Variants in TMCC1 observed in about 807,000 individuals in gnomAD.
The protein encoded by TMCC1 is transmembrane and coiled-coil domains protein 1.
Under a neutral mutation model 52.4 loss-of-function variants are expected in TMCC1, and 15 were observed. That is an observed-to-expected ratio of 0.29 (90% CI 0.19 to 0.44). The LOEUF (loss-of-function observed/expected upper bound fraction) is 0.44, where lower values mean the gene tolerates loss of function less well. TMCC1 is among the 20% of genes least tolerant of loss of function. The pLI is 1.00. For missense variants in TMCC1, 503 were observed against 806.0 expected (o/e 0.62, Z 4.55); for synonymous variants, 279 against 301.9 (o/e 0.92, Z 0.79).
At chr3:129,690,049 G>T (rs986281658) in intron 4 of TMCC1, among the ~76,000 whole-genome samples, 2 of 152,070 alleles carry the variant, frequency 1.3e-5, no homozygotes, top group East Asian at 3.8e-4. Flanking sequence ...CCACAAATGA[G>T]CAGAAAAGAA....
At chr3:129,773,064 C>T (rs1252319930) in intron 4 of TMCC1, among the ~76,000 whole-genome samples, 2 of 152,150 alleles carry the variant, frequency 1.3e-5, no homozygotes, top group Non-Finnish European at 1.5e-5. Context: ...ATAAACAAGC[C>T]TATTCACTGT....
chr3:129,770,466 T>A (rs1200475180), intron 4 of TMCC1, among the ~76,000 whole-genome samples: 3 of 152,058 alleles, frequency 2.0e-5, no homozygotes, highest in African/African-American at 7.2e-5. Flanking sequence ...CAGTCCCAGT[T>A]ACTCAGGAGT....
chr3:129,808,253 C>T (rs1426752961), intron 4 of TMCC1, among the ~76,000 whole-genome samples: 1 of 152,032 alleles, frequency 6.6e-6, no homozygotes, highest in East Asian at 1.9e-4. Context: ...GAGGCCAATG[C>T]AGGCAGATCA....
In TMCC1 at chr3:129,651,484, T is replaced by C. The variant is rs2086316832; in HGVS notation, c.1959A>G (p.Arg653=). The change falls in exon 7 of 7, where the codon AGA becomes AGG. Residue 653 remains arginine, a synonymous_variant. Coordinates refer to ENST00000393238, the MANE Select transcript of TMCC1 (RefSeq NM_001017395.5). The surrounding 1 kb of genome is among the most constrained non-coding windows in gnomAD (Gnocchi z 5.1). ...AACAATGCCTTCTGTGCCAGCATCA[T>C]CTAGGGGATGAAAAGAACCGTTCCA... ...SYVERFFSSP[R] 6.2e-7 allele frequency: 1 copy of C among 1,613,042 alleles called. No homozygotes were observed. Among genetic ancestry groups the C allele is most frequent in the South Asian group, 1.1e-5 (1 of 91,002 alleles).
At chr3:129,653,436 A>C (rs2086467751) in intron 6 of TMCC1, among the ~76,000 whole-genome samples, 1 of 152,150 alleles carries the variant, frequency 6.6e-6, no homozygotes, top group African/African-American at 2.4e-5. Context: ...CCAAACATTA[A>C]AAGTGTCTAT....
intron 5 of TMCC1, among the ~76,000 whole-genome samples, chr3:129,659,536 A>C (rs1160003658): frequency 6.6e-6 from 1 of 152,152 alleles, no homozygotes; most frequent in Non-Finnish European, 1.5e-5. Context: ...TCAGGTGTGA[A>C]ATATTGGGAT....
At position 129,813,467 on chromosome 3, in the gene TMCC1, A is replaced by G. The variant is rs543748548; in HGVS notation, c.576+14336T>C. On this transcript the variant is annotated intron_variant, in intron 4 of 6. Coordinates refer to ENST00000393238, the MANE Select transcript of TMCC1 (RefSeq NM_001017395.5). ...ATGTGGTACATGTACACCACAGAATACTACACAGCAATAAAAAAATAATGA... is the reference window on the plus strand; with the variant it reads ...ATGTGGTACATGTACACCACAGAATGCTACACAGCAATAAAAAAATAATGA... Among the ~76,000 whole-genome samples, 4 of 152,300 alleles carry G rather than the reference A, an allele frequency of 2.6e-5. No individual in the cohort carries two copies. In the South Asian group the frequency reaches 8.3e-4, roughly 32 times the overall value.
chr3:129,732,161 T>C (rs1477925156), intron 4 of TMCC1, among the ~76,000 whole-genome samples: 3 of 152,238 alleles, frequency 2.0e-5, no homozygotes, highest in Non-Finnish European at 4.4e-5. Flanking sequence ...TTTCTACATA[T>C]ACAGTGATGT....
chr3:129,797,683 T>G (rs2056925869), intron 4 of TMCC1, among the ~76,000 whole-genome samples: 1 of 151,840 alleles, frequency 6.6e-6, no homozygotes, highest in African/African-American at 2.4e-5. Context: ...AGGTGGGAGC[T>G]GCAGTGAGCC....
In TMCC1 at chr3:129,649,397, T is replaced by C. The variant is rs1181789487; in HGVS notation, c.*2084A>G. On this transcript the variant is annotated 3_prime_UTR_variant, in exon 7 of 7. Transcript: ENST00000393238. ...ATATAGGCTTGGGGACAATTTGTTT[T>C]TGGCATGAACATGAATTGGTTCTAA... 1.3e-5 allele frequency: 2 copies of C among 152,294 alleles called. No individual in the cohort carries two copies. The highest frequency in any genetic ancestry group is 2.9e-5 in the Non-Finnish European group (2 of 68,044). 9.4% of individuals were successfully genotyped at this position (152,294 alleles called of 1,614,324 possible).
rs529605849 is a variant in TMCC1, at chr3:129,687,332, A to G, written c.577-16068T>C. On this transcript the variant is annotated intron_variant, in intron 4 of 6. Coordinates refer to ENST00000393238, the MANE Select transcript of TMCC1 (RefSeq NM_001017395.5). ...ACATAAGAAATAAGATCCAACTTAA[A>G]GCAAGGTGATTCTGGTAGGATTTTG... 2.0e-5 allele frequency among the ~76,000 whole-genome samples: 3 copies of G among 152,378 alleles called. No homozygotes were observed. The South Asian group carries it at 6.2e-4, about 32-fold the overall frequency.
intron 4 of TMCC1, among the ~76,000 whole-genome samples, chr3:129,678,943 A>G (rs2088718277): frequency 6.6e-6 from 1 of 152,182 alleles, no homozygotes; most frequent in Non-Finnish European, 1.5e-5. Context: ...TTAAAACATA[A>G]GTCAGATTAC....
chr3:129,728,863 T>G (rs2050318409), intron 4 of TMCC1, among the ~76,000 whole-genome samples: 1 of 152,214 alleles, frequency 6.6e-6, no homozygotes, highest in African/African-American at 2.4e-5. Context: ...CAACACAATG[T>G]CTTTGAGATG....
chr3:129,760,495 T>TG (rs370985390), intron 4 of TMCC1, among the ~76,000 whole-genome samples: 2,073 of 144,488 alleles, frequency 0.014, 69 homozygotes, highest in African/African-American at 0.049. Flanking sequence ...TGTGTGTGTG[T>TG]TTTTGAGACA....
At chr3:129,814,691 G>C (rs2058009364) in intron 4 of TMCC1, among the ~76,000 whole-genome samples, 1 of 152,110 alleles carries the variant, frequency 6.6e-6, no homozygotes, top group Admixed American at 6.5e-5. Flanking sequence ...TAGACTGAAA[G>C]TGAAGGGGTG....
At chr3:129,819,617 C>T (rs1338565355) in intron 4 of TMCC1, among the ~76,000 whole-genome samples, 1 of 152,108 alleles carries the variant, frequency 6.6e-6, no homozygotes, top group Non-Finnish European at 1.5e-5. Flanking sequence ...TATAATACTT[C>T]AGAATTAGGA....
intron 4 of TMCC1, 72 bp from the exon 5 acceptor site, chr3:129,671,336 G>A: frequency 1.4e-6 from 2 of 1,436,206 alleles, no homozygotes; most frequent in South Asian, 1.4e-5. Context: ...GGGCCAAAAT[G>A]TATTGGAAAT....
intron 4 of TMCC1, among the ~76,000 whole-genome samples, chr3:129,724,477 C>T (rs58559458): frequency 0.016 from 2,379 of 152,230 alleles, 47 homozygotes; most frequent in African/African-American, 0.055. Flanking sequence ...GCTGAAGAAC[C>T]CCAAACCACC....
chr3:129,684,586 C>G (rs2089266218), intron 4 of TMCC1, among the ~76,000 whole-genome samples: 1 of 152,152 alleles, frequency 6.6e-6, no homozygotes, highest in Admixed American at 6.6e-5. Flanking sequence ...AGAGGAGACA[C>G]AGAGAACAAG....
Sources: allele counts gnomAD v4.1 joint callset (sites outside exome capture counted in the v4.1 genomes callset), GRCh38; gene constraint gnomAD v4.1.1; non-coding constraint Gnocchi (gnomAD v3.1); transcripts MANE v1.5; gene names NCBI Gene and HGNC (gene_info 2026-07-23, HGNC 2026-07-21).